Variants in FRY observed in about 807,000 individuals in gnomAD.
FRY encodes the protein FRY microtubule binding protein.
A neutral mutation model predicts 348.4 loss-of-function variants in FRY; 128 were observed. The ratio of observed to expected loss-of-function variants is 0.37; its 90% confidence interval spans 0.32 to 0.43. The LOEUF (loss-of-function observed/expected upper bound fraction) is 0.43, where lower values mean the gene tolerates loss of function less well. Ranked by LOEUF, FRY falls within the 20% of genes least tolerant of loss-of-function variation. The probability of loss-of-function intolerance (pLI) is 1.00; values close to 1 mark genes in which losing one functional copy is unlikely to be tolerated. For missense variants in FRY, 2,736 were observed against 3,695.2 expected (o/e 0.74, Z 6.73); for synonymous variants, 1,370 against 1,374.7 (o/e 1.00, Z 0.08).
chr13:32,183,062 G>T (rs760448187), intron 24 of FRY, 28 bp downstream of exon 24: 8 of 1,473,174 alleles, frequency 5.4e-6, no homozygotes, highest in Admixed American at 1.7e-5. Flanking sequence ...AAAAATTAAG[G>T]CTTGGTTTTT....
At position 32,224,293 on chromosome 13, in the gene FRY, G is replaced by A. The variant is rs763652703; in HGVS notation, c.4824G>A (p.Pro1608=). Residue 1608 remains proline (P), a synonymous_variant, in exon 37 of 61, where the codon CCG becomes CCA. Transcript: ENST00000542859. ...WLLTITETKQ[P]QPLPMPCTGG... ...TGACTATTACAGAGACCAAGCAGCC[G>A]CAGCCCTTACCGATGCCTTGTACTG... The A allele has an allele frequency of 2.7e-5, 43 of 1,613,662 alleles. No individual in the cohort carries two copies. Among genetic ancestry groups the A allele is most frequent in the South Asian group, 7.7e-5 (7 of 91,072 alleles).
In FRY at chr13:32,046,757, G is replaced by A. The variant is rs79959896; in HGVS notation, c.70+14892G>A. ...CTTAATCTTGGATCTTTCTCTACAC[G>A]GAGAAGCCATGATGTTTTACTTTGT... On this transcript the variant is annotated intron_variant, in intron 1 of 60. Coordinates refer to ENST00000542859, the MANE Select transcript of FRY (RefSeq NM_023037.3). Among the ~76,000 whole-genome samples the A allele has an allele frequency of 3.9e-3, 590 of 152,226 alleles. 3 individuals are homozygous for A. Among genetic ancestry groups the A allele is most frequent in the African/African-American group, 0.014 (566 of 41,526 alleles).
intron 55 of FRY, among the ~76,000 whole-genome samples, chr13:32,268,528 A>G (rs866533908): frequency 0.015 from 2,126 of 146,026 alleles, 86 homozygotes; most frequent in Middle Eastern, 0.088. Flanking sequence ...ATATATATAT[A>G]TATATATATA....
At chr13:32,065,393 C>T (rs922533071) in intron 1 of FRY, among the ~76,000 whole-genome samples, 2 of 147,050 alleles carry the variant, frequency 1.4e-5, no homozygotes, top group East Asian at 2.1e-4. Flanking sequence ...GAGACCTCCA[C>T]CTCCCGGGTT....
Position 32,239,636 on chromosome 13 carries a change from T to G in FRY, c.6517-75T>G. Reference sequence around the variant, plus strand: ...AATCTACTTTCCAGATGGCCAGAGCTTATAGTAAAATTGCTAACATTTCTT... The same window carrying G: ...AATCTACTTTCCAGATGGCCAGAGCGTATAGTAAAATTGCTAACATTTCTT... On this transcript the variant is annotated intron_variant, in intron 45 of 60. Transcript: ENST00000542859. The surrounding 1 kb of genome is among the most constrained non-coding windows in gnomAD (Gnocchi z 4.3). 1 of 1,037,190 alleles carries G rather than the reference T, an allele frequency of 9.6e-7. No individual in the cohort carries two copies. The highest frequency in any genetic ancestry group is 1.5e-6 in the Non-Finnish European group (1 of 670,878). The allele number at this position is 1,037,190 out of a possible 1,614,324, so 64.2% of individuals were successfully genotyped here.
Position 32,240,296 on chromosome 13 carries a change from A to C in FRY, c.6687+415A>C, listed in dbSNP as rs530440892. On this transcript the variant is annotated intron_variant, in intron 46 of 60. Transcript: ENST00000542859. ...TTTAAACCTAGATATAGCTGCCTCC[A>C]AAGCTTAAACTCCTTCTGTTTATTA... 8.5e-5 allele frequency among the ~76,000 whole-genome samples: 13 copies of C among 152,354 alleles called. No homozygotes were observed. In the South Asian group the frequency reaches 2.7e-3, roughly 32 times the overall value.
rs1452079866 is a variant in FRY, at chr13:32,223,946, A to C, written c.4766-289A>C. The stretch of plus-strand genomic sequence containing the variant: ...GAGGTGGGGTTTTGCCATGTTGGCC[A>C]GGCTGGTTTTGAACTCCTGACCTCA... On this transcript the variant is annotated intron_variant, in intron 36 of 60. Coordinates refer to ENST00000542859, the MANE Select transcript of FRY (RefSeq NM_023037.3). 2.0e-5 allele frequency among the ~76,000 whole-genome samples: 3 copies of C among 151,966 alleles called. No homozygotes were observed. The East Asian group carries it at 5.8e-4, about 29-fold the overall frequency.
intron 59 of FRY, among the ~76,000 whole-genome samples, chr13:32,291,692 C>T (rs947101065): frequency 2.6e-5 from 4 of 152,046 alleles, no homozygotes; most frequent in Non-Finnish European, 5.9e-5. Flanking sequence ...CACCGTGCCC[C>T]GCCAGGATTC....
intron 52 of FRY, 22 bp downstream of exon 52, chr13:32,261,838 C>G (rs1377216676): frequency 6.2e-7 from 1 of 1,604,274 alleles, no homozygotes; most frequent in South Asian, 1.1e-5. Context: ...CTCTCCCACT[C>G]TAAGAATTGG....
rs1403927365 is a variant in FRY, at chr13:32,297,368, A to C, written c.*1908A>C. On this transcript the variant is annotated 3_prime_UTR_variant, in exon 61 of 61. Transcript: ENST00000542859. ...TCATAAAATAAAGGTTTCTGTGGCTAACCACAGTAGACAACTTTCAGAGAG... is the reference window on the plus strand; with the variant it reads ...TCATAAAATAAAGGTTTCTGTGGCTCACCACAGTAGACAACTTTCAGAGAG... 6.6e-6 allele frequency: 1 copy of C among 152,202 alleles called. No homozygotes were observed. Among genetic ancestry groups the C allele is most frequent in the Non-Finnish European group, 1.5e-5 (1 of 68,034 alleles). The allele number at this position is 152,202 out of a possible 1,614,324, so 9.4% of individuals were successfully genotyped here.
chr13:32,279,929 A>T (rs1420901514), intron 58 of FRY, among the ~76,000 whole-genome samples: 1 of 152,202 alleles, frequency 6.6e-6, no homozygotes, highest in Non-Finnish European at 1.5e-5. Flanking sequence ...AAGAGATCAG[A>T]CATTGAAAAG....
chr13:32,041,657 G>T (rs1210337713), intron 1 of FRY, among the ~76,000 whole-genome samples: 1 of 152,160 alleles, frequency 6.6e-6, no homozygotes, highest in East Asian at 1.9e-4. Context: ...TGATTTGGTG[G>T]TGGCCCTGAG....
At chr13:32,266,389 T>C (rs530585877) in intron 54 of FRY, among the ~76,000 whole-genome samples, 147 of 152,330 alleles carry the variant, frequency 9.7e-4, no homozygotes, top group African/African-American at 3.4e-3. Context: ...GTATCTCTGG[T>C]TTCCTTGTCT....
chr13:32,273,871 CAA>C (rs1888348892), intron 55 of FRY, among the ~76,000 whole-genome samples: 1 of 152,126 alleles, frequency 6.6e-6, no homozygotes, highest in Admixed American at 6.5e-5. Flanking sequence ...CAGTGTTGGT[CAA>C]AAAGATTATA....
intron 37 of FRY, 107 bp downstream of exon 37, chr13:32,224,492 C>A: frequency 2.0e-6 from 2 of 1,001,736 alleles, no homozygotes; most frequent in South Asian, 1.6e-5. Context: ...ATTATCTTAT[C>A]AATCAGTGGG....
chr13:32,054,148 T>C (rs2138415731), intron 1 of FRY, among the ~76,000 whole-genome samples: 1 of 152,256 alleles, frequency 6.6e-6, no homozygotes, highest in African/African-American at 2.4e-5. Flanking sequence ...AACGAAAATA[T>C]GAAAACCCTG....
At chr13:32,167,965 T>C (rs1048873997) in intron 17 of FRY, among the ~76,000 whole-genome samples, 2 of 152,056 alleles carry the variant, frequency 1.3e-5, no homozygotes, top group African/African-American at 2.4e-5. Context: ...TTAACCAGAG[T>C]GGCTCAGGCT....
At chr13:32,096,436 G>GC (rs1189707004) in intron 2 of FRY, among the ~76,000 whole-genome samples, 71 of 149,332 alleles carry the variant, frequency 4.8e-4, no homozygotes, top group African/African-American at 1.6e-3. Flanking sequence ...AGGGAAAACT[G>GC]CGGGGGGGGG....
At chr13:32,243,917 C>T in intron 46 of FRY, 125 bp from the exon 47 acceptor site, 1 of 1,030,818 alleles carries the variant, frequency 9.7e-7, no homozygotes, top group Non-Finnish European at 1.5e-6. Context: ...CATAGCAAGA[C>T]CCCATCTCCT....
Sources: gnomAD v4.1 joint callset for allele counts (sites outside exome capture counted in the v4.1 genomes callset) on GRCh38, gnomAD v4.1.1 for gene constraint, Gnocchi (gnomAD v3.1) non-coding constraint, MANE v1.5 for transcripts, NCBI Gene and HGNC (gene_info 2026-07-23, HGNC 2026-07-21) for gene names.